The following SGSM1 variants were observed in gnomAD, a reference collection of about 807,000 sequenced individuals.
The protein encoded by SGSM1 is RUN and TBC1 domain containing 2.
Under a neutral mutation model 133.8 loss-of-function variants are expected in SGSM1, and 73 were observed. The observed-to-expected ratio is 0.55, with a 90% CI of 0.45 to 0.66. The LOEUF (loss-of-function observed/expected upper bound fraction) is 0.66. SGSM1 is among the 30% of genes least tolerant of loss of function. SGSM1 has a pLI of 0.00. For synonymous variants in SGSM1, 563 were observed against 573.0 expected (o/e 0.98, Z 0.25); for missense variants, 1,213 against 1,448.1 (o/e 0.84, Z 2.64).
chr22:24,879,440 C>T, intron 13 of SGSM1, 22 bp from the exon 14 acceptor site: 1 of 1,612,610 alleles, frequency 6.2e-7, no homozygotes, highest in Non-Finnish European at 8.5e-7. Flanking sequence ...TTCTAAGCAT[C>T]TCCCTCTTTC....
In SGSM1 at chr22:24,874,487, G is replaced by A. The variant is rs376636359; in HGVS notation, c.1292-2090G>A. On this transcript the variant is annotated intron_variant, in intron 12 of 24. Coordinates refer to ENST00000400358, the MANE Select transcript of SGSM1 (RefSeq NM_001098497.3). ...GCCTGGATGATGGTTCCTGCAGGCC[G>A]GTCCATGCTGGTGGTGGCCAGAGGG... 11 of 1,613,534 alleles carry A rather than the reference G, an allele frequency of 6.8e-6. No individual in the cohort carries two copies. Among genetic ancestry groups the A allele is most frequent in the Non-Finnish European group, 7.6e-6 (9 of 1,179,756 alleles).
chr22:24,905,175 A>AC lies in SGSM1; in HGVS notation c.2806_2807insC (p.Ile936ThrfsTer4). The AC allele has an allele frequency of 1.2e-6, 2 of 1,614,004 alleles. No individual in the cohort carries two copies. Among genetic ancestry groups the AC allele is most frequent in the Non-Finnish European group, 1.7e-6 (2 of 1,179,878 alleles). On this transcript the variant is annotated frameshift_variant, in exon 21 of 25. Coordinates refer to ENST00000400358, the MANE Select transcript of SGSM1 (RefSeq NM_001098497.3). LOFTEE classifies it high-confidence loss of function. ...TGATCTTCTGGCTCCACTGCTGGTC[A>AC]TTCTGGATGATGGTGAGTGTGTCTT...
At chr22:24,823,297 G>GCAGCTGCTGTGC (rs60966238) in intron 2 of SGSM1, among the ~76,000 whole-genome samples, 103,923 of 151,812 alleles carry the variant, frequency 0.68, 35,877 homozygotes, top group East Asian at 0.92. Context: ...TGAGCATGCA[G>GCAGCTGCTGTGC]CAAATGTTTT....
intron 24 of SGSM1, 134 bp downstream of exon 24, chr22:24,920,127 A>G (rs1933955722): frequency 1.1e-6 from 1 of 948,706 alleles, no homozygotes. Flanking sequence ...CACACTTCTT[A>G]TGGCTATTTC....
intron 24 of SGSM1, among the ~76,000 whole-genome samples, chr22:24,923,576 C>T (rs1336282817): frequency 6.6e-6 from 1 of 151,674 alleles, no homozygotes; most frequent in African/African-American, 2.4e-5. Flanking sequence ...TGCTCTCAGT[C>T]ATTCTGTTTA....
intron 8 of SGSM1, among the ~76,000 whole-genome samples, chr22:24,856,768 CTT>C (rs113036395): frequency 3.6e-5 from 5 of 139,362 alleles, no homozygotes; most frequent in Non-Finnish European, 3.2e-5. Flanking sequence ...AGTTTCTTTT[CTT>C]TTTTTTTTTT....
At position 24,862,280 on chromosome 22, in the gene SGSM1, C is replaced by A. The variant is rs542001487; in HGVS notation, c.926+2440C>A. On this transcript the variant is annotated intron_variant, in intron 9 of 24. Transcript: ENST00000400358. ...GAGTCTAGAGTTTCTAATCAGGCGA[C>A]CATCATGGAAGAATAGGGGAGGGGT... is the stretch of plus-strand genomic sequence containing the variant. Among the ~76,000 whole-genome samples, 3 of 152,196 alleles carry A rather than the reference C, an allele frequency of 2.0e-5. No homozygotes were observed. In the South Asian group the frequency reaches 6.2e-4, roughly 32 times the overall value.
At chr22:24,879,289 A>C (rs1173175701) in intron 13 of SGSM1, among the ~76,000 whole-genome samples, 173 bp from the exon 14 acceptor site, 1 of 152,190 alleles carries the variant, frequency 6.6e-6, no homozygotes, top group Non-Finnish European at 1.5e-5. Flanking sequence ...GGGGGCCGGT[A>C]CCAGAAGAGG....
At chr22:24,889,969 T>C (rs1355163177) in intron 16 of SGSM1, among the ~76,000 whole-genome samples, 2 of 147,768 alleles carry the variant, frequency 1.4e-5, no homozygotes, top group African/African-American at 5.0e-5. Flanking sequence ...ATTTTTTTTT[T>C]TTTTTGAGAC....
chr22:24,889,795 G>A (rs1182121048), intron 16 of SGSM1, among the ~76,000 whole-genome samples: 4 of 149,454 alleles, frequency 2.7e-5, no homozygotes, highest in South Asian at 4.2e-4. Context: ...GACTACAGGC[G>A]CCCGCCACCA....
At chr22:24,837,586 C>CGCG (rs1555922707) in intron 2 of SGSM1, among the ~76,000 whole-genome samples, 2 of 74,048 alleles carry the variant, frequency 2.7e-5, no homozygotes, top group African/African-American at 1.1e-4. Context: ...AGACCCCCCC[C>CGCG]CCCCCTTTCC....
intron 2 of SGSM1, among the ~76,000 whole-genome samples, chr22:24,819,593 C>T (rs1928347716): frequency 1.3e-5 from 2 of 152,218 alleles, no homozygotes; most frequent in South Asian, 4.1e-4. Context: ...CTCCCTTGAT[C>T]TGGCACCAGC....
chr22:24,806,856 C>CTGCT (rs1927427431), intron 2 of SGSM1, among the ~76,000 whole-genome samples: 4 of 152,010 alleles, frequency 2.6e-5, no homozygotes, highest in African/African-American at 9.7e-5. Context: ...ACGCCCCCCA[C>CTGCT]AGGGTGTGCT....
intron 19 of SGSM1, among the ~76,000 whole-genome samples, chr22:24,900,432 T>C (rs1933113323): frequency 6.6e-6 from 1 of 150,768 alleles, no homozygotes; most frequent in Non-Finnish European, 1.5e-5. Flanking sequence ...AGAGTTTCGC[T>C]CTTGTTGCCC....
intron 18 of SGSM1, 140 bp downstream of exon 18, chr22:24,895,431 T>C: frequency 1.2e-6 from 1 of 863,710 alleles, no homozygotes; most frequent in Non-Finnish European, 1.8e-6. Context: ...AAACATTGTT[T>C]TTTGTTTTTT....
chr22:24,809,148 C>G (rs1927588097), intron 2 of SGSM1, among the ~76,000 whole-genome samples: 1 of 152,180 alleles, frequency 6.6e-6, no homozygotes, highest in African/African-American at 2.4e-5. Context: ...CCCCCCAAAG[C>G]ACGTCTCCCC....
At chr22:24,882,160 T>G (rs896598409) in intron 14 of SGSM1, among the ~76,000 whole-genome samples, 2 of 152,154 alleles carry the variant, frequency 1.3e-5, no homozygotes, top group Non-Finnish European at 2.9e-5. Context: ...TCTACCTCCC[T>G]GGCTGAAGCG....
chr22:24,895,092 C>G (rs1305235911), intron 17 of SGSM1, 131 bp from the exon 18 acceptor site: 3 of 862,586 alleles, frequency 3.5e-6, no homozygotes, highest in Non-Finnish European at 5.6e-6. Context: ...AACTGATGCT[C>G]TGAGAGAGGA....
At chr22:24,894,294 G>C (rs1014727808) in intron 17 of SGSM1, among the ~76,000 whole-genome samples, 1 of 152,190 alleles carries the variant, frequency 6.6e-6, no homozygotes, top group African/African-American at 2.4e-5. Flanking sequence ...TTGAGAGGCC[G>C]AGGCAGGAGA....
Sources: allele counts gnomAD v4.1 joint callset (sites outside exome capture counted in the v4.1 genomes callset), GRCh38; gene constraint gnomAD v4.1.1; transcripts MANE v1.5; gene names NCBI Gene and HGNC (gene_info 2026-07-23, HGNC 2026-07-21).